EPHA6: variants seen among roughly 807,000 people sequenced by gnomAD.
EPHA6 encodes ephrin type-A receptor 6.
EPHA6 carries 50 observed loss-of-function variants against 112.0 expected under a neutral mutation model. The ratio of observed to expected loss-of-function variants is 0.45; its 90% CI spans 0.36 to 0.56. The LOEUF (loss-of-function observed/expected upper bound fraction) is 0.56. Among genes scored for constraint, EPHA6 ranks in the 20% least tolerant of loss-of-function variants. The pLI is 0.00. For synonymous variants in EPHA6, 529 were observed against 490.7 expected (o/e 1.08, Z -1.03); for missense variants, 1,280 against 1,417.4 (o/e 0.90, Z 1.56).
At chr3:97,340,093 A>C (rs924765054) in intron 5 of EPHA6, among the ~76,000 whole-genome samples, 4 of 152,260 alleles carry the variant, frequency 2.6e-5, no homozygotes, top group Non-Finnish European at 5.9e-5. Context: ...GGATATTTAT[A>C]GTCTATTAAG....
chr3:97,464,889 T>C (rs1045730386), intron 7 of EPHA6, among the ~76,000 whole-genome samples: 1 of 152,114 alleles, frequency 6.6e-6, no homozygotes, highest in Non-Finnish European at 1.5e-5. Context: ...ATTTTCAATT[T>C]GATAAAGTTG....
chr3:97,554,924 C>CT (rs561770026), intron 11 of EPHA6, among the ~76,000 whole-genome samples: 217 of 144,960 alleles, frequency 1.5e-3, no homozygotes, highest in African/African-American at 2.2e-3. Flanking sequence ...GTGAGTGTGC[C>CT]TTTTTTTTTT....
At chr3:97,674,080 A>G (rs2031124204) in intron 14 of EPHA6, among the ~76,000 whole-genome samples, 1 of 152,228 alleles carries the variant, frequency 6.6e-6, no homozygotes, top group African/African-American at 2.4e-5. Flanking sequence ...TAAGCACAAC[A>G]CTATACCAAG....
chr3:97,578,351 A>G (rs542958090), intron 11 of EPHA6, among the ~76,000 whole-genome samples: 3 of 151,970 alleles, frequency 2.0e-5, no homozygotes, highest in South Asian at 4.2e-4. Context: ...ATTTTTCAAG[A>G]AGGAGGAAGG....
At chr3:97,561,155 A>G (rs904633671) in intron 11 of EPHA6, among the ~76,000 whole-genome samples, 11 of 151,984 alleles carry the variant, frequency 7.2e-5, no homozygotes, top group Non-Finnish European at 1.3e-4. Flanking sequence ...AGTTAGGCCA[A>G]TTAATAACCT....
At chr3:97,228,575 AT>A (rs1483093551) in intron 4 of EPHA6, among the ~76,000 whole-genome samples, 1 of 146,364 alleles carries the variant, frequency 6.8e-6, no homozygotes, top group Non-Finnish European at 1.5e-5. Flanking sequence ...TGTCATATAA[AT>A]GTTATATATA....
chr3:96,933,473 C>T (rs763693019), intron 2 of EPHA6, among the ~76,000 whole-genome samples: 2 of 152,090 alleles, frequency 1.3e-5, no homozygotes, highest in Non-Finnish European at 2.9e-5. Flanking sequence ...GACTTTGACA[C>T]AGGCAAATAT....
At chr3:97,015,903 G>T (rs1199015033) in intron 3 of EPHA6, among the ~76,000 whole-genome samples, 1 of 152,080 alleles carries the variant, frequency 6.6e-6, no homozygotes, top group Non-Finnish European at 1.5e-5. Context: ...TTAATTATGA[G>T]AAAACATTTA....
intron 14 of EPHA6, among the ~76,000 whole-genome samples, chr3:97,674,889 C>G (rs536128357): frequency 6.6e-6 from 1 of 152,246 alleles, no homozygotes; most frequent in Admixed American, 6.5e-5. Flanking sequence ...CGGGAATTCT[C>G]AGCCAGGATG....
At chr3:96,850,930 A>T (rs1389122990) in intron 1 of EPHA6, among the ~76,000 whole-genome samples, 1 of 152,160 alleles carries the variant, frequency 6.6e-6, no homozygotes, top group Non-Finnish European at 1.5e-5. Flanking sequence ...AAAATGCAAA[A>T]CATATATTAA....
At chr3:96,926,078 A>G (rs912316914) in intron 2 of EPHA6, among the ~76,000 whole-genome samples, 6 of 152,144 alleles carry the variant, frequency 3.9e-5, no homozygotes, top group African/African-American at 4.8e-5. Flanking sequence ...TAATTTATAA[A>G]CAAAAGAGAT....
chr3:97,639,553 A>G (rs1441090101), intron 14 of EPHA6, among the ~76,000 whole-genome samples: 3 of 152,168 alleles, frequency 2.0e-5, no homozygotes, highest in Admixed American at 1.3e-4. Context: ...ATGATGGGAA[A>G]TTACTACACT....
In EPHA6 at chr3:97,617,426, A is replaced by C. The variant is rs1165140235; in HGVS notation, c.2574+6572A>C. ...TGTCAGGATCAAATCCACACATAACAATACTAACCTGAAATGTAAATGGGC... is the reference window on the plus strand; with the variant it reads ...TGTCAGGATCAAATCCACACATAACCATACTAACCTGAAATGTAAATGGGC... On this transcript the variant is annotated intron_variant, in intron 13 of 17. Transcript: ENST00000389672. Among the ~76,000 whole-genome samples, 4 of 152,188 alleles carry C rather than the reference A, an allele frequency of 2.6e-5. 1 individual carries two copies. The highest frequency in any genetic ancestry group is 4.1e-4 in the South Asian group (2 of 4,834).
At chr3:96,918,577 A>G (rs926036172) in intron 2 of EPHA6, among the ~76,000 whole-genome samples, 16 of 152,124 alleles carry the variant, frequency 1.1e-4, no homozygotes, top group African/African-American at 3.9e-4. Context: ...TACTTTGGGA[A>G]CTTACTTTTA....
chr3:97,001,016 T>TTATATATA (rs1334953124), intron 3 of EPHA6, among the ~76,000 whole-genome samples: 5 of 83,210 alleles, frequency 6.0e-5, no homozygotes, highest in African/African-American at 3.9e-4. Flanking sequence ...AGTCAGAAAT[T>TTATATATA]GATATATATA....
intron 5 of EPHA6, among the ~76,000 whole-genome samples, chr3:97,248,945 T>C (rs1365496335): frequency 1.3e-5 from 2 of 152,088 alleles, no homozygotes; most frequent in Non-Finnish European, 2.9e-5. Context: ...ATTTGCATTT[T>C]AATGTATTTT....
intron 5 of EPHA6, among the ~76,000 whole-genome samples, chr3:97,317,788 A>G (rs1454858934): frequency 6.6e-6 from 1 of 151,942 alleles, no homozygotes; most frequent in Non-Finnish European, 1.5e-5. Context: ...GGTTTCTAGA[A>G]CTGCATGGTG....
At chr3:97,604,797 T>G (rs2093668487) in intron 12 of EPHA6, among the ~76,000 whole-genome samples, 1 of 151,700 alleles carries the variant, frequency 6.6e-6, no homozygotes, top group African/African-American at 2.4e-5. Context: ...TTTGATAATA[T>G]AACTAATTTA....
At chr3:97,656,025 T>C (rs2094136261) in intron 14 of EPHA6, among the ~76,000 whole-genome samples, 1 of 151,918 alleles carries the variant, frequency 6.6e-6, no homozygotes, top group Non-Finnish European at 1.5e-5. Flanking sequence ...CTACAGTGAG[T>C]ATTGTACTTT....
Sources: gnomAD v4.1 joint callset for allele counts (sites outside exome capture counted in the v4.1 genomes callset) on GRCh38, gnomAD v4.1.1 for gene constraint, MANE v1.5 for transcripts, NCBI Gene and HGNC (gene_info 2026-07-23, HGNC 2026-07-21) for gene names.